The following SMAD9 variants were observed in gnomAD, a reference collection of about 807,000 sequenced individuals.
SMAD9 encodes the protein SMAD family member 9.
A neutral mutation model predicts 46.1 loss-of-function variants in SMAD9; 36 were observed. The ratio of observed to expected loss-of-function variants is 0.78; its 90% CI spans 0.60 to 1.03. SMAD9 has a LOEUF of 1.03. Among genes scored for constraint, SMAD9 ranks in the 50% least tolerant of loss-of-function variants. SMAD9 has a pLI of 0.00. For missense variants in SMAD9, 572 were observed against 599.8 expected, an observed-to-expected ratio of 0.95 and a Z score of 0.48; for synonymous variants, 245 against 237.1, an observed-to-expected ratio of 1.03 and a Z score of -0.31.
rs58444769 is a variant in SMAD9, at chr13:36,878,175, TAC to T, written c.412+1101_412+1102del. Among the ~76,000 whole-genome samples, 915 of 150,132 alleles carry T rather than the reference TAC, an allele frequency of 6.1e-3. 6 individuals carry two copies. The highest frequency in any genetic ancestry group is 0.016 in the Admixed American group (241 of 15,044). On this transcript the variant is annotated intron_variant, in intron 2 of 6. Coordinates refer to ENST00000379826, the MANE Select transcript of SMAD9 (RefSeq NM_001127217.3). The stretch of plus-strand genomic sequence containing the variant: ...CTTACACACATATATATAATATACA[TAC>T]ACACACACACACACACAGGGGTGTG...
intron 1 of SMAD9, among the ~76,000 whole-genome samples, chr13:36,894,061 T>C (rs1322133049): frequency 6.6e-6 from 1 of 152,122 alleles, no homozygotes; most frequent in African/African-American, 2.4e-5. Flanking sequence ...AGTTCAAAGA[T>C]TAAGAAAAAA....
rs1414125354 is a variant in SMAD9 at position 36,865,707 on chromosome 13, T to C, written c.833A>G (p.Tyr278Cys). The change falls in exon 5 of 7, where the codon TAC becomes TGC. Residue 278 changes from tyrosine (Y) to cysteine (C), a missense_variant. Transcript: ENST00000379826. ...CCCAACTCGGTTGTTCAGTTCATAG[T>C]AGGCGACCGAGCACCAGTGCTGGGG... ...EEPQHWCSVA[Y>C]YELNNRVGET... is the part of the protein sequence containing the mutation. The C allele has an allele frequency of 1.9e-6, 3 of 1,614,172 alleles. No homozygotes were observed. The highest frequency in any genetic ancestry group is 2.2e-5 in the South Asian group (2 of 91,082).
chr13:36,887,052 T>A (rs1440768476), intron 1 of SMAD9, among the ~76,000 whole-genome samples: 2 of 141,794 alleles, frequency 1.4e-5, no homozygotes, highest in Admixed American at 1.4e-4. Flanking sequence ...TTTTTTTTTT[T>A]TTTTTTTTTT....
At chr13:36,885,111 G>A (rs1159206812) in intron 1 of SMAD9, among the ~76,000 whole-genome samples, 1 of 152,174 alleles carries the variant, frequency 6.6e-6, no homozygotes, top group African/African-American at 2.4e-5. Context: ...AATTTAGAAA[G>A]TGAACACATT....
chr13:36,884,783 A>G (rs575688772), intron 1 of SMAD9, among the ~76,000 whole-genome samples: 1 of 152,354 alleles, frequency 6.6e-6, no homozygotes, highest in East Asian at 1.9e-4. Context: ...ATACAATTTT[A>G]AAAACACCGT....
intron 1 of SMAD9, among the ~76,000 whole-genome samples, chr13:36,885,533 T>C (rs1277801236): frequency 1.3e-5 from 2 of 152,174 alleles, no homozygotes; most frequent in East Asian, 1.9e-4. Flanking sequence ...TACCATGCAG[T>C]TGGATACACA....
intron 5 of SMAD9, among the ~76,000 whole-genome samples, chr13:36,863,938 T>C (rs1426963230): frequency 2.0e-5 from 3 of 152,334 alleles, no homozygotes; most frequent in East Asian, 3.9e-4. Flanking sequence ...CAGGAGCACC[T>C]TGAAGAAGCG....
intron 3 of SMAD9, among the ~76,000 whole-genome samples, chr13:36,870,622 C>T (rs1350031058): frequency 6.6e-6 from 1 of 152,168 alleles, no homozygotes; most frequent in African/African-American, 2.4e-5. Context: ...ACAGTAGTCC[C>T]CCCTTCTCCA....
At chr13:36,895,361 C>T (rs886682586) in intron 1 of SMAD9, among the ~76,000 whole-genome samples, 9 of 152,170 alleles carry the variant, frequency 5.9e-5, no homozygotes, top group African/African-American at 2.2e-4. Context: ...TCAACCTCAA[C>T]TAGCATAGGT....
intron 5 of SMAD9, among the ~76,000 whole-genome samples, chr13:36,862,324 CAG>C (rs1321249516): frequency 6.6e-6 from 1 of 152,150 alleles, no homozygotes; most frequent in African/African-American, 2.4e-5. Flanking sequence ...GCTGGTAAAA[CAG>C]AGTGCCATAA....
intron 1 of SMAD9, among the ~76,000 whole-genome samples, chr13:36,917,399 A>G (rs78613950): frequency 6.8e-6 from 1 of 148,016 alleles, no homozygotes; most frequent in African/African-American, 2.5e-5. Context: ...TACTGTTTGC[A>G]TTTTTTTTTT....
At chr13:36,854,461 G>A (rs2058103915) in intron 5 of SMAD9, among the ~76,000 whole-genome samples, 1 of 151,842 alleles carries the variant, frequency 6.6e-6, no homozygotes, top group Non-Finnish European at 1.5e-5. Flanking sequence ...TCTGCCTCCC[G>A]GGCTCAGGTG....
In SMAD9 at chr13:36,896,429, G is replaced by A. The variant is rs570314897; in HGVS notation, c.-186-16554C>T. ...CTTACAGGTGCGAGACACCAGACCC[G>A]GCCGATTTTTTATTTACTAAACATC... On this transcript the variant is annotated intron_variant, in intron 1 of 6. Coordinates refer to ENST00000379826, the MANE Select transcript of SMAD9 (RefSeq NM_001127217.3). 2.0e-4 allele frequency among the ~76,000 whole-genome samples: 30 copies of A among 152,180 alleles called. No individual in the cohort carries two copies. The South Asian group carries it at 5.8e-3, about 30-fold the overall frequency.
rs1566032639 is a variant in SMAD9, at chr13:36,891,248, TA to T, written c.-186-11374del. On this transcript the variant is annotated intron_variant, in intron 1 of 6. Coordinates refer to ENST00000379826, the MANE Select transcript of SMAD9 (RefSeq NM_001127217.3). ...CCTCCTTGCGGAAGCTATCCTGATA[TA>T]CTTCTCAACACTTTCATTCATTCTT... Among the ~76,000 whole-genome samples, 6 of 152,270 alleles carry T rather than the reference TA, an allele frequency of 3.9e-5. No homozygotes were observed. In the East Asian group the frequency reaches 1.2e-3, roughly 29 times the overall value.
intron 1 of SMAD9, among the ~76,000 whole-genome samples, chr13:36,882,670 G>A (rs2058414183): frequency 1.3e-5 from 2 of 152,218 alleles, no homozygotes; most frequent in Non-Finnish European, 1.5e-5. Context: ...ATTCATAACA[G>A]TGGCCTCCAG....
At chr13:36,850,472 G>A (rs7993911) in intron 6 of SMAD9, among the ~76,000 whole-genome samples, 3 of 152,056 alleles carry the variant, frequency 2.0e-5, no homozygotes, top group Non-Finnish European at 2.9e-5. Flanking sequence ...CTCTGCCTCC[G>A]AGGTTCAAGC....
chr13:36,918,283 T>C (rs761827653), intron 1 of SMAD9, among the ~76,000 whole-genome samples: 5 of 152,236 alleles, frequency 3.3e-5, no homozygotes, highest in Admixed American at 6.5e-5. Context: ...TCTTTGATTT[T>C]TAGTAAACAC....
intron 3 of SMAD9, 40 bp from the exon 4 acceptor site, chr13:36,867,423 T>G: frequency 7.5e-7 from 1 of 1,340,982 alleles, no homozygotes; most frequent in African/African-American, 1.5e-5. Context: ...GTCAAATCGA[T>G]AAACCACACA....
chr13:36,864,555 C>CCTTG (rs2058213661), intron 5 of SMAD9, among the ~76,000 whole-genome samples: 1 of 152,172 alleles, frequency 6.6e-6, no homozygotes, highest in South Asian at 2.1e-4. Flanking sequence ...CATTTCACTG[C>CCTTG]AATGGTTTCT....
Sources: gnomAD v4.1 joint callset for allele counts (sites outside exome capture counted in the v4.1 genomes callset) on GRCh38, gnomAD v4.1.1 for gene constraint, MANE v1.5 for transcripts, NCBI Gene and HGNC (gene_info 2026-07-23, HGNC 2026-07-21) for gene names.